PELI1: variants seen among roughly 807,000 people sequenced by gnomAD.
The protein encoded by PELI1 is E3 ubiquitin-protein ligase pellino homolog 1.
Under a neutral mutation model 41.3 loss-of-function variants are expected in PELI1, and 15 were observed. The observed-to-expected ratio is 0.36, with a 90% CI of 0.24 to 0.56. PELI1 has a LOEUF of 0.56. Ranked by LOEUF, PELI1 falls within the 20% of genes least tolerant of loss-of-function variation. PELI1 has a pLI of 0.82. For synonymous variants in PELI1, 178 were observed against 180.1 expected (o/e 0.99, Z 0.09); for missense variants, 403 against 525.5 (o/e 0.77, Z 2.28).
intron 1 of PELI1, among the ~76,000 whole-genome samples, chr2:64,127,261 G>C (rs1229419006): frequency 6.6e-6 from 1 of 152,186 alleles, no homozygotes; most frequent in African/African-American, 2.4e-5. Context: ...ATTTGAGGCC[G>C]AGCAAGGTGG....
intron 1 of PELI1, among the ~76,000 whole-genome samples, chr2:64,123,282 C>T (rs150553200): frequency 4.1e-4 from 62 of 152,322 alleles, no homozygotes; most frequent in Non-Finnish European, 7.9e-4. Context: ...CACTGCCTTC[C>T]TAAATTGGCT....
chr2:64,132,231 C>T (rs1384735993), intron 1 of PELI1, among the ~76,000 whole-genome samples: 2 of 152,156 alleles, frequency 1.3e-5, no homozygotes, highest in African/African-American at 4.8e-5. Context: ...TTTCAACAAC[C>T]TTACCAGGAA....
At chr2:64,141,261 T>C (rs1681903337) in intron 1 of PELI1, among the ~76,000 whole-genome samples, 1 of 151,840 alleles carries the variant, frequency 6.6e-6, no homozygotes, top group Admixed American at 6.6e-5. Flanking sequence ...TGCTTTACTG[T>C]CCTCAAAGAC....
At chr2:64,113,912 T>C (rs988184859) in intron 1 of PELI1, among the ~76,000 whole-genome samples, 3 of 152,076 alleles carry the variant, frequency 2.0e-5, no homozygotes, top group Non-Finnish European at 4.4e-5. Flanking sequence ...TCTTTCATTA[T>C]TTACATCACA....
chr2:64,105,571 C>T (rs1467327024), intron 2 of PELI1, among the ~76,000 whole-genome samples: 1 of 152,174 alleles, frequency 6.6e-6, no homozygotes, highest in Admixed American at 6.5e-5. Context: ...CCATACACAT[C>T]ACCTCACTAA....
chr2:64,128,362 G>GTAA (rs140828531), intron 1 of PELI1, among the ~76,000 whole-genome samples: 1 of 152,070 alleles, frequency 6.6e-6, no homozygotes, highest in Non-Finnish European at 1.5e-5. Context: ...TTTCAATCAT[G>GTAA]TAATAATAAT....
chr2:64,102,010 A>G (rs558443663), intron 3 of PELI1, among the ~76,000 whole-genome samples: 6 of 152,086 alleles, frequency 3.9e-5, no homozygotes, highest in Admixed American at 6.5e-5. Context: ...TATTTTTAGT[A>G]GAGACGGGGT....
intron 1 of PELI1, among the ~76,000 whole-genome samples, chr2:64,140,150 T>A (rs961569801): frequency 1.2e-4 from 18 of 152,178 alleles, no homozygotes; most frequent in Non-Finnish European, 2.4e-4. Context: ...TTTTTAGAAT[T>A]AGCAACATCC....
intron 6 of PELI1, among the ~76,000 whole-genome samples, chr2:64,095,638 A>T (rs544819449): frequency 5.3e-5 from 8 of 152,256 alleles, no homozygotes; most frequent in Admixed American, 6.5e-5. Context: ...TTAACATGAT[A>T]TGACAGAAGA....
Position 64,096,537 on chromosome 2 carries a change from T to G in PELI1, c.377A>C (p.Asp126Ala). 1 of 1,611,642 alleles carries G rather than the reference T, an allele frequency of 6.2e-7. No homozygotes were observed. Among genetic ancestry groups the G allele is most frequent in the Non-Finnish European group, 8.5e-7 (1 of 1,177,832 alleles). The change falls in exon 5 of 7, where the codon GAT (aspartate) becomes GCT (alanine). Residue 126 changes from aspartate (D) to alanine (A), a missense_variant. Coordinates refer to ENST00000358912, the MANE Select transcript of PELI1 (RefSeq NM_020651.4). ...TATAGTGCTTTGTACTGACTGTGTA[T>G]CAGAATTACTTTGACTTCCAGGAAC... is the stretch of plus-strand genomic sequence containing the variant. ...DTVPGSQSNS[D>A]TQSVQSTISR...
In PELI1 at chr2:64,143,799, G is replaced by A. The variant is rs557227597; in HGVS notation, c.-70+282C>T. 1.1e-4 allele frequency among the ~76,000 whole-genome samples: 16 copies of A among 152,060 alleles called. No individual in the cohort carries two copies. The South Asian group carries it at 3.3e-3, about 31-fold the overall frequency. ...CTCTCGCAGCCGGAGCGCGCGGCCA[G>A]CCAGGCGCGGGGCTCGGAGTTGGCC... On this transcript the variant is annotated intron_variant, in intron 1 of 6. Coordinates refer to ENST00000358912, the MANE Select transcript of PELI1 (RefSeq NM_020651.4).
chr2:64,098,553 G>A (rs1317009389), intron 4 of PELI1, among the ~76,000 whole-genome samples: 1 of 152,190 alleles, frequency 6.6e-6, no homozygotes, highest in Non-Finnish European at 1.5e-5. Context: ...TACATGAAAA[G>A]GCACCAGTGT....
At chr2:64,132,727 AAAG>A (rs916665440) in intron 1 of PELI1, among the ~76,000 whole-genome samples, 2 of 152,190 alleles carry the variant, frequency 1.3e-5, no homozygotes, top group African/African-American at 4.8e-5. Flanking sequence ...AGCTGGAGAA[AAAG>A]AAGTGGAGTT....
At chr2:64,138,654 G>C (rs1174081970) in intron 1 of PELI1, among the ~76,000 whole-genome samples, 1 of 152,130 alleles carries the variant, frequency 6.6e-6, no homozygotes, top group Non-Finnish European at 1.5e-5. Flanking sequence ...TTGAACCCAG[G>C]AAACAGAATT....
chr2:64,107,599 AGTC>A (rs1190443253), intron 2 of PELI1, among the ~76,000 whole-genome samples: 2 of 152,238 alleles, frequency 1.3e-5, no homozygotes, highest in African/African-American at 4.8e-5. Flanking sequence ...TTTTTGGTAA[AGTC>A]AGCTGAGGCA....
intron 1 of PELI1, among the ~76,000 whole-genome samples, chr2:64,139,414 T>G (rs1159209250): frequency 6.6e-6 from 1 of 152,092 alleles, no homozygotes; most frequent in Non-Finnish European, 1.5e-5. Context: ...TAAGTGATCT[T>G]CCCACCTCAG....
At chr2:64,142,262 AC>A (rs1248000544) in intron 1 of PELI1, among the ~76,000 whole-genome samples, 2 of 152,194 alleles carry the variant, frequency 1.3e-5, no homozygotes, top group African/African-American at 4.8e-5. Flanking sequence ...CTTTTAACAT[AC>A]TATAGAAAGG....
At position 64,137,474 on chromosome 2, in the gene PELI1, T is replaced by C. The variant is rs974928111; in HGVS notation, c.-70+6607A>G. Among the ~76,000 whole-genome samples the C allele has an allele frequency of 3.3e-5, 5 of 152,246 alleles. No homozygotes were observed. The East Asian group carries it at 5.8e-4, about 18-fold the overall frequency. ...GATACTTAGTATTAAGAATTGTATA[T>C]GATCTTGTATGTGTGTGTGTGTGTG... is the stretch of plus-strand genomic sequence containing the variant. On this transcript the variant is annotated intron_variant, in intron 1 of 6. Coordinates refer to ENST00000358912, the MANE Select transcript of PELI1 (RefSeq NM_020651.4).
intron 3 of PELI1, among the ~76,000 whole-genome samples, chr2:64,103,122 G>A (rs1558474036): frequency 1.3e-5 from 2 of 152,120 alleles, no homozygotes; most frequent in African/African-American, 4.8e-5. Context: ...GATTATAGGT[G>A]TGAGCTACCG....
Sources: gnomAD v4.1 joint callset for allele counts (sites outside exome capture counted in the v4.1 genomes callset) on GRCh38, gnomAD v4.1.1 for gene constraint, MANE v1.5 for transcripts, NCBI Gene and HGNC (gene_info 2026-07-23, HGNC 2026-07-21) for gene names.